ADGRA3: variants seen among roughly 807,000 people sequenced by gnomAD.
The protein encoded by ADGRA3 is G-protein coupled receptor 125.
A neutral mutation model predicts 119.8 loss-of-function variants in ADGRA3; 56 were observed. The observed-to-expected ratio is 0.47, with a 90% CI of 0.38 to 0.58. The LOEUF (loss-of-function observed/expected upper bound fraction) is 0.58, where lower values mean the gene tolerates loss of function less well. Among genes scored for constraint, ADGRA3 ranks in the 20% least tolerant of loss-of-function variants. The pLI is 0.00. For synonymous variants in ADGRA3, 607 were observed against 623.8 expected, an observed-to-expected ratio of 0.97 and a Z score of 0.40; for missense variants, 1,516 against 1,649.0, an observed-to-expected ratio of 0.92 and a Z score of 1.40.
chr4:22,436,699 TAAC>T, intron 8 of ADGRA3, 58 bp from the exon 9 acceptor site: 1 of 1,427,578 alleles, frequency 7.0e-7, no homozygotes, highest in Non-Finnish European at 9.8e-7. Flanking sequence ...ACATCAAGAA[TAAC>T]AACAGCAGAG....
intron 1 of ADGRA3, among the ~76,000 whole-genome samples, chr4:22,491,677 G>C (rs896862330): frequency 6.6e-5 from 10 of 152,150 alleles, no homozygotes; most frequent in Non-Finnish European, 1.5e-4. Flanking sequence ...CGCTACCCTT[G>C]ATGTCTTCCT....
intron 2 of ADGRA3, among the ~76,000 whole-genome samples, chr4:22,472,500 G>A (rs1347907227): frequency 3.3e-5 from 5 of 152,044 alleles, no homozygotes; most frequent in Admixed American, 1.3e-4. Context: ...TGCTACTACC[G>A]TGCCAAGAAC....
intron 10 of ADGRA3, among the ~76,000 whole-genome samples, chr4:22,431,473 G>A (rs570829052): frequency 6.6e-6 from 1 of 152,196 alleles, no homozygotes; most frequent in Non-Finnish European, 1.5e-5. Flanking sequence ...TGGAGTCAAA[G>A]GAGATCATTT....
chr4:22,512,352 TTAGTCA>T (rs1719478839), intron 1 of ADGRA3, among the ~76,000 whole-genome samples: 1 of 152,132 alleles, frequency 6.6e-6, no homozygotes. Flanking sequence ...GTTCTGAGAC[TTAGTCA>T]TGAATTTTTC....
rs1432129952 is a variant in ADGRA3 at position 22,401,495 on chromosome 4, A to C, written c.2417T>G (p.Phe806Cys). 3 of 1,611,968 alleles carry C rather than the reference A, an allele frequency of 1.9e-6. No homozygotes were observed. The highest frequency in any genetic ancestry group is 2.5e-6 in the Non-Finnish European group (3 of 1,178,746). The stretch of plus-strand genomic sequence containing the variant: ...TCCCACAAAGACCACACAGGTTAGG[A>C]AAATATGAAAGCACAAGTTCACAAG... ...HMLVNLCFHIFLTCVVFVGGI... is the reference protein window; with the variant it reads ...HMLVNLCFHICLTCVVFVGGI... The change falls in exon 16 of 19, where the codon TTC (phenylalanine) becomes TGC (cysteine). Residue 806 changes from phenylalanine to cysteine, a missense_variant. Physicochemically the swap from Phe to Cys is radical, Grantham distance 205. Transcript: ENST00000334304.
chr4:22,468,575 C>A (rs779182596), intron 2 of ADGRA3, among the ~76,000 whole-genome samples: 1 of 151,998 alleles, frequency 6.6e-6, no homozygotes, highest in Non-Finnish European at 1.5e-5. Context: ...TTGAGACCAG[C>A]CTGGCCAACG....
intron 10 of ADGRA3, among the ~76,000 whole-genome samples, chr4:22,427,472 AC>A (rs1715989829): frequency 1.3e-5 from 2 of 151,848 alleles, no homozygotes; most frequent in South Asian, 4.1e-4. Context: ...AAAAAAAAAA[AC>A]AACAAATATC....
At chr4:22,449,295 A>G (rs1477408991) in intron 4 of ADGRA3, among the ~76,000 whole-genome samples, 2 of 152,056 alleles carry the variant, frequency 1.3e-5, no homozygotes, top group Non-Finnish European at 2.9e-5. Flanking sequence ...TTTTTTTAAG[A>G]AAGTAACTTA....
At chr4:22,500,924 G>A (rs1035156817) in intron 1 of ADGRA3, among the ~76,000 whole-genome samples, 2 of 152,136 alleles carry the variant, frequency 1.3e-5, no homozygotes, top group African/African-American at 4.8e-5. Context: ...AGAGGCAGCA[G>A]GGCAAATTCG....
chr4:22,433,553 C>T (rs1262253371), intron 10 of ADGRA3, among the ~76,000 whole-genome samples: 4 of 152,264 alleles, frequency 2.6e-5, no homozygotes, highest in East Asian at 3.9e-4. Flanking sequence ...AACCCGTCAA[C>T]GCAGCCGACC....
At chr4:22,398,254 G>T in intron 16 of ADGRA3, 1 of 429,422 alleles carries the variant, frequency 2.3e-6, no homozygotes, top group Non-Finnish European at 3.1e-6. Flanking sequence ...CTCTTGAGAT[G>T]CTTGAGTCAT....
rs189906204 is a variant in ADGRA3, at chr4:22,435,028, A to G, written c.1443+283T>C. Among the ~76,000 whole-genome samples, 37 of 152,274 alleles carry G rather than the reference A, an allele frequency of 2.4e-4. 1 individual carries two copies. In the East Asian group the frequency reaches 7.2e-3, roughly 29 times the overall value. On this transcript the variant is annotated intron_variant, in intron 10 of 18. Coordinates refer to ENST00000334304, the MANE Select transcript of ADGRA3 (RefSeq NM_145290.4). ...GCTAAGCAGCTCTGCCTAAGCCACA[A>G]CGTGGAGGCAGAACACTGCTTTTAC...
intron 1 of ADGRA3, among the ~76,000 whole-genome samples, chr4:22,490,082 A>G (rs4697308): frequency 0.5 from 75,374 of 151,990 alleles, 19,668 homozygotes; most frequent in East Asian, 0.61. Flanking sequence ...TTTTTTTTCT[A>G]TTTTCAATTC....
chr4:22,414,545 T>C (rs1209826319), intron 12 of ADGRA3: 4 of 680,852 alleles, frequency 5.9e-6, no homozygotes, highest in Non-Finnish European at 1.1e-5. Context: ...GAATTTATTG[T>C]ACAATCTTTT....
chr4:22,462,513 C>T (rs1271163915), intron 2 of ADGRA3, among the ~76,000 whole-genome samples: 1 of 152,096 alleles, frequency 6.6e-6, no homozygotes, highest in African/African-American at 2.4e-5. Flanking sequence ...CAGGGTTTTG[C>T]CATGTTGGCC....
intron 2 of ADGRA3, among the ~76,000 whole-genome samples, chr4:22,465,846 C>T (rs984237525): frequency 6.6e-6 from 1 of 152,130 alleles, no homozygotes; most frequent in Non-Finnish European, 1.5e-5. Flanking sequence ...GAAAAGTTGG[C>T]CATGATCAAG....
intron 1 of ADGRA3, among the ~76,000 whole-genome samples, chr4:22,475,924 T>G (rs2109125400): frequency 6.6e-6 from 1 of 152,122 alleles, no homozygotes; most frequent in South Asian, 2.1e-4. Flanking sequence ...CAAAATCTAC[T>G]GAAAGAAACA....
At chr4:22,471,430 TTAAAA>T (rs1717855155) in intron 2 of ADGRA3, among the ~76,000 whole-genome samples, 1 of 152,030 alleles carries the variant, frequency 6.6e-6, no homozygotes, top group Non-Finnish European at 1.5e-5. Flanking sequence ...ACAAACCTCT[TTAAAA>T]TAAAATAAAA....
At chr4:22,496,869 C>T (rs1266913525) in intron 1 of ADGRA3, among the ~76,000 whole-genome samples, 2 of 152,210 alleles carry the variant, frequency 1.3e-5, no homozygotes, top group African/African-American at 2.4e-5. Flanking sequence ...TGTGCCACCA[C>T]CCCCCATACC....
Sources: gnomAD v4.1 joint callset for allele counts (sites outside exome capture counted in the v4.1 genomes callset) on GRCh38, gnomAD v4.1.1 for gene constraint, MANE v1.5 for transcripts, NCBI Gene and HGNC (gene_info 2026-07-23, HGNC 2026-07-21) for gene names.